Variants in GRM8 observed in about 807,000 individuals in gnomAD.
The protein encoded by GRM8 is glutamate metabotropic receptor 8.
GRM8 carries 47 observed loss-of-function variants against 87.2 expected under a neutral mutation model. The ratio of observed to expected loss-of-function variants is 0.54; its 90% CI spans 0.43 to 0.69. GRM8 has a LOEUF of 0.69. Among genes scored for constraint, GRM8 ranks in the 30% least tolerant of loss-of-function variants. The pLI, the probability that GRM8 is intolerant of heterozygous loss-of-function variation, is 0.00. For synonymous variants in GRM8, 396 were observed against 404.5 expected (o/e 0.98, Z 0.25); for missense variants, 1,019 against 1,139.2 (o/e 0.89, Z 1.52).
chr7:127,213,725 T>C (rs1321906036), intron 2 of GRM8, among the ~76,000 whole-genome samples: 1 of 152,234 alleles, frequency 6.6e-6, no homozygotes, highest in Admixed American at 6.5e-5. Flanking sequence ...CTGTTGTTAA[T>C]CCATCCATCC....
At chr7:126,897,801 C>A (rs1357696106) in intron 6 of GRM8, among the ~76,000 whole-genome samples, 1 of 152,078 alleles carries the variant, frequency 6.6e-6, no homozygotes, top group East Asian at 1.9e-4. Flanking sequence ...ATTTGGCCAG[C>A]AAATCAAAAG....
chr7:126,606,039 A>C (rs1233708183), intron 8 of GRM8, among the ~76,000 whole-genome samples: 1 of 152,232 alleles, frequency 6.6e-6, no homozygotes, highest in East Asian at 1.9e-4. Flanking sequence ...TTCAAAAAAT[A>C]ACTGCCTAGG....
intron 7 of GRM8, among the ~76,000 whole-genome samples, chr7:126,765,352 C>T (rs1315904415): frequency 6.6e-6 from 1 of 152,018 alleles, no homozygotes; most frequent in Non-Finnish European, 1.5e-5. Context: ...TTTCCTGATG[C>T]ACATTCACAA....
chr7:127,208,779 A>G (rs1796056562), intron 2 of GRM8, among the ~76,000 whole-genome samples: 1 of 151,808 alleles, frequency 6.6e-6, no homozygotes, highest in African/African-American at 2.4e-5. Flanking sequence ...TAGCATTACC[A>G]GTCTCTCCTC....
chr7:127,136,605 G>A (rs138923121), intron 2 of GRM8, among the ~76,000 whole-genome samples: 48 of 152,006 alleles, frequency 3.2e-4, no homozygotes, highest in East Asian at 2.3e-3. Context: ...TCCTGGTACC[G>A]AAGCTCAGCT....
intron 9 of GRM8, among the ~76,000 whole-genome samples, chr7:126,510,713 C>G (rs1022324013): frequency 6.2e-4 from 9 of 14,590 alleles, no homozygotes; most frequent in Non-Finnish European, 9.9e-4. Context: ...ATTTAGGCAT[C>G]ATCTGAACTG....
intron 2 of GRM8, among the ~76,000 whole-genome samples, chr7:127,172,835 T>A (rs191519519): frequency 2.7e-3 from 413 of 152,342 alleles, no homozygotes; most frequent in Non-Finnish European, 5.0e-3. Context: ...TAAAACGTTA[T>A]GTGCTCTGAG....
intron 8 of GRM8, among the ~76,000 whole-genome samples, chr7:126,564,720 A>G (rs1250703852): frequency 6.6e-6 from 1 of 152,206 alleles, no homozygotes; most frequent in African/African-American, 2.4e-5. Context: ...AACACTTCCA[A>G]ACTAATTTTT....
chr7:127,008,831 C>G (rs1814586959), intron 3 of GRM8, among the ~76,000 whole-genome samples: 1 of 152,030 alleles, frequency 6.6e-6, no homozygotes, highest in Admixed American at 6.6e-5. Flanking sequence ...AAATATATAT[C>G]CGTTGCTCAT....
intron 6 of GRM8, among the ~76,000 whole-genome samples, chr7:126,901,895 AC>A (rs1411471591): frequency 6.6e-6 from 1 of 152,144 alleles, no homozygotes; most frequent in Non-Finnish European, 1.5e-5. Context: ...CATATCTGTA[AC>A]CTTGCTAAAT....
chr7:126,978,220 G>GAGGAGAGGA (rs1448127664), intron 3 of GRM8, among the ~76,000 whole-genome samples: 3 of 152,112 alleles, frequency 2.0e-5, no homozygotes, highest in East Asian at 3.9e-4. Context: ...AAAGACAGGA[G>GAGGAGAGGA]AGGAGAGGAA....
At chr7:126,575,642 C>A (rs1288047050) in intron 8 of GRM8, among the ~76,000 whole-genome samples, 1 of 151,922 alleles carries the variant, frequency 6.6e-6, no homozygotes, top group Non-Finnish European at 1.5e-5. Flanking sequence ...TTAACCAAAC[C>A]AACATAATTG....
intron 8 of GRM8, among the ~76,000 whole-genome samples, chr7:126,534,328 T>C (rs1815339335): frequency 6.6e-6 from 1 of 152,220 alleles, no homozygotes; most frequent in Non-Finnish European, 1.5e-5. Flanking sequence ...TCTACCATAC[T>C]TAGGGAAATT....
At chr7:127,215,442 T>C (rs1364544521) in intron 2 of GRM8, among the ~76,000 whole-genome samples, 1 of 152,062 alleles carries the variant, frequency 6.6e-6, no homozygotes, top group African/African-American at 2.4e-5. Flanking sequence ...ATCAGTTCCG[T>C]TGACCTTGTA....
chr7:127,027,788 T>C (rs1451370885), intron 3 of GRM8, among the ~76,000 whole-genome samples: 2 of 152,202 alleles, frequency 1.3e-5, no homozygotes, highest in African/African-American at 4.8e-5. Context: ...CAGAGACAAA[T>C]TGACTTCCTC....
intron 2 of GRM8, among the ~76,000 whole-genome samples, chr7:127,113,531 G>T (rs1212569334): frequency 6.6e-6 from 1 of 151,938 alleles, no homozygotes; most frequent in African/African-American, 2.4e-5. Flanking sequence ...CTTGTCCATT[G>T]ATCATGGAAC....
chr7:126,875,147 C>A (rs998921362), intron 6 of GRM8, among the ~76,000 whole-genome samples: 48 of 151,720 alleles, frequency 3.2e-4, no homozygotes, highest in African/African-American at 1.1e-3. Context: ...CAAAATAATT[C>A]AAAAATAATT....
chr7:126,544,962 A>G (rs1228905082), intron 8 of GRM8, among the ~76,000 whole-genome samples: 1 of 152,230 alleles, frequency 6.6e-6, no homozygotes, highest in Non-Finnish European at 1.5e-5. Flanking sequence ...GCAAAAAGTC[A>G]AAAGCCACCA....
rs1309388791 is a variant in GRM8 at position 127,106,709 on chromosome 7, G to A, written c.514C>T (p.Pro172Ser). ...GCTGTGGATGCATAGCTGATTTGAGGTATCTGCAAAACAAATGATGGGTCA... is the reference window on the plus strand; with the variant it reads ...GCTGTGGATGCATAGCTGATTTGAGATATCTGCAAAACAAATGATGGGTCA... Reference protein sequence around the residue: ...VANILRLFKIPQISYASTAPE... With the variant: ...VANILRLFKISQISYASTAPE... The change falls in exon 3 of 11, where the codon CCT becomes TCT. Residue 172 changes from proline (P) to serine (S), a missense_variant. Transcript: ENST00000339582. 1 of 1,605,336 alleles carries A rather than the reference G, an allele frequency of 6.2e-7. No homozygotes were observed. Among genetic ancestry groups the A allele is most frequent in the African/African-American group, 1.3e-5 (1 of 74,838 alleles).
Sources: gnomAD v4.1 joint callset for allele counts (sites outside exome capture counted in the v4.1 genomes callset) on GRCh38, gnomAD v4.1.1 for gene constraint, MANE v1.5 for transcripts, NCBI Gene and HGNC (gene_info 2026-07-23, HGNC 2026-07-21) for gene names.